The following RAD54L2 variants were observed in gnomAD, a reference collection of about 807,000 sequenced individuals.
RAD54L2 encodes the protein helicase ARIP4.
RAD54L2 carries 27 observed loss-of-function variants against 138.4 expected under a neutral mutation model. That is an observed-to-expected ratio of 0.20 (90% CI 0.14 to 0.27). RAD54L2 has a LOEUF of 0.27. Ranked by LOEUF, RAD54L2 falls within the 10% of genes least tolerant of loss-of-function variation. The probability of loss-of-function intolerance (pLI) is 1.00; values close to 1 mark genes in which losing one functional copy is unlikely to be tolerated. For synonymous variants in RAD54L2, 644 were observed against 723.2 expected (o/e 0.89, Z 1.76); for missense variants, 1,396 against 1,890.2 (o/e 0.74, Z 4.85).
intron 15 of RAD54L2, among the ~76,000 whole-genome samples, chr3:51,642,971 T>C (rs1701176425): frequency 6.6e-6 from 1 of 152,146 alleles, no homozygotes; most frequent in South Asian, 2.1e-4. Flanking sequence ...TGCCCTTAGC[T>C]TTACCATTTA....
At chr3:51,608,042 C>T (rs1700241194) in intron 3 of RAD54L2, among the ~76,000 whole-genome samples, 2 of 148,760 alleles carry the variant, frequency 1.3e-5, no homozygotes, top group African/African-American at 5.0e-5. Context: ...GGGCGGCTGC[C>T]GGGCAGAGGG....
At chr3:51,599,745 CAAAAA>C (rs34126564) in intron 3 of RAD54L2, among the ~76,000 whole-genome samples, 1 of 130,250 alleles carries the variant, frequency 7.7e-6, no homozygotes. Flanking sequence ...TATTTTTTAC[CAAAAA>C]AAAAAAAAAA....
intron 14 of RAD54L2, among the ~76,000 whole-genome samples, chr3:51,640,753 G>A (rs1348824756): frequency 2.0e-5 from 3 of 152,218 alleles, no homozygotes; most frequent in African/African-American, 7.2e-5. Context: ...GAGTGATTTT[G>A]TCTCTCTAGT....
intron 2 of RAD54L2, among the ~76,000 whole-genome samples, chr3:51,582,948 G>A (rs1434391798): frequency 6.6e-6 from 1 of 152,028 alleles, no homozygotes; most frequent in Non-Finnish European, 1.5e-5. Flanking sequence ...TGTATTTTTA[G>A]TAGAGACGGG....
intron 3 of RAD54L2, among the ~76,000 whole-genome samples, chr3:51,608,116 G>A (rs1278960444): frequency 7.3e-5 from 11 of 151,624 alleles, no homozygotes; most frequent in African/African-American, 2.7e-4. Flanking sequence ...CAGACGGGGC[G>A]GCCGGTCAGA....
intron 19 of RAD54L2, among the ~76,000 whole-genome samples, chr3:51,652,605 G>A (rs1461533329): frequency 6.6e-6 from 1 of 152,120 alleles, no homozygotes; most frequent in Non-Finnish European, 1.5e-5. Flanking sequence ...ACAGAATAGA[G>A]CCCTCAGAAA....
chr3:51,635,846 G>A, intron 10 of RAD54L2, 57 bp downstream of exon 10: 1 of 1,475,306 alleles, frequency 6.8e-7, no homozygotes, highest in Non-Finnish European at 9.1e-7. Context: ...AAGAAATCAT[G>A]TCTACTAATA....
chr3:51,645,912 C>A lies in RAD54L2; in HGVS notation c.2829+149C>A. 1.2e-6 allele frequency: 1 copy of A among 865,176 alleles called. No individual in the cohort carries two copies. Among genetic ancestry groups the A allele is most frequent in the Non-Finnish European group, 1.7e-6 (1 of 573,524 alleles). The allele number at this position is 865,176 out of a possible 1,614,324, so 53.6% of individuals were successfully genotyped here. A position where few individuals can be genotyped will look rare whatever the true frequency, so the allele number is the denominator to read the frequency against. The stretch of plus-strand genomic sequence containing the variant: ...TCTTTTTCTTGCCCCACTCAGTCCC[C>A]CTCCCTTCCCACAACCACTTACCCC... On this transcript the variant is annotated intron_variant, in intron 18 of 22. Transcript: ENST00000684192. The surrounding 1 kb of genome is among the most constrained non-coding windows in gnomAD (Gnocchi z 6.1).
Position 51,561,200 on chromosome 3 carries a change from C to G in RAD54L2, c.-55+19550C>G, listed in dbSNP as rs1330952706. 3.9e-5 allele frequency among the ~76,000 whole-genome samples: 6 copies of G among 152,266 alleles called. No individual in the cohort carries two copies. The South Asian group carries it at 1.0e-3, about 26-fold the overall frequency. On this transcript the variant is annotated intron_variant, in intron 2 of 22. Transcript: ENST00000684192. ...TAGTAATACAGACTGCTTGGATTTC[C>G]TTGAAAACATTCTGCTTTCTTGTCT...
intron 2 of RAD54L2, among the ~76,000 whole-genome samples, chr3:51,574,700 T>G (rs1259890666): frequency 6.6e-6 from 1 of 152,200 alleles, no homozygotes; most frequent in East Asian, 1.9e-4. Context: ...GTTGTTTGAT[T>G]TTTTCTTGTA....
intron 2 of RAD54L2, among the ~76,000 whole-genome samples, chr3:51,581,396 T>C (rs1298212196): frequency 1.3e-5 from 2 of 152,144 alleles, no homozygotes; most frequent in Non-Finnish European, 2.9e-5. Context: ...CTGTGCCTAT[T>C]TGCATTATAA....
intron 2 of RAD54L2, among the ~76,000 whole-genome samples, chr3:51,564,604 A>G (rs887425741): frequency 6.6e-6 from 1 of 152,188 alleles, no homozygotes; most frequent in Non-Finnish European, 1.5e-5. Context: ...TTCTTGGCTT[A>G]ACTATATAGC....
intron 3 of RAD54L2, among the ~76,000 whole-genome samples, chr3:51,618,923 G>A (rs1446080287): frequency 6.6e-6 from 1 of 152,210 alleles, no homozygotes; most frequent in Non-Finnish European, 1.5e-5. Context: ...GGAAATTGCT[G>A]AAGCTGCTGT....
At chr3:51,625,442 C>T (rs1157100682) in intron 3 of RAD54L2, among the ~76,000 whole-genome samples, 2 of 151,992 alleles carry the variant, frequency 1.3e-5, no homozygotes, top group African/African-American at 4.8e-5. Flanking sequence ...ATAAATAGGA[C>T]AATTCTTCCC....
chr3:51,650,985 A>T (rs372406547), intron 19 of RAD54L2, among the ~76,000 whole-genome samples: 2 of 152,198 alleles, frequency 1.3e-5, no homozygotes, highest in Admixed American at 6.5e-5. Context: ...CAAAAAGTCA[A>T]TGAATTCAGG....
chr3:51,634,640 G>T (rs148878769), intron 9 of RAD54L2, among the ~76,000 whole-genome samples: 255 of 152,242 alleles, frequency 1.7e-3, no homozygotes, highest in African/African-American at 5.7e-3. Context: ...AGAGTGTTGG[G>T]ATTACAGGCG....
intron 2 of RAD54L2, among the ~76,000 whole-genome samples, chr3:51,545,557 T>A (rs1215801026): frequency 1.3e-5 from 2 of 152,146 alleles, no homozygotes; most frequent in Non-Finnish European, 2.9e-5. Flanking sequence ...TTAGTTTTTT[T>A]AAGATTTTTT....
chr3:51,578,134 A>G (rs1303578437), intron 2 of RAD54L2, among the ~76,000 whole-genome samples: 1 of 86,408 alleles, frequency 1.2e-5, no homozygotes, highest in Non-Finnish European at 2.3e-5. Context: ...TTTCCCCCAC[A>G]CTCCCCCCCT....
intron 14 of RAD54L2, among the ~76,000 whole-genome samples, chr3:51,641,380 C>G (rs1357446279): frequency 6.7e-6 from 1 of 149,744 alleles, no homozygotes; most frequent in African/African-American, 2.5e-5. Flanking sequence ...AGTGCAATGG[C>G]GTGATCCTGC....
Sources: allele counts gnomAD v4.1 joint callset (sites outside exome capture counted in the v4.1 genomes callset), GRCh38; gene constraint gnomAD v4.1.1; non-coding constraint Gnocchi (gnomAD v3.1); transcripts MANE v1.5; gene names NCBI Gene and HGNC (gene_info 2026-07-23, HGNC 2026-07-21).